The following KIAA1217 variants were observed in gnomAD, a reference collection of about 807,000 sequenced individuals.
KIAA1217 encodes the protein KIAA1217, also known as sickle tail protein homolog.
Under a neutral mutation model 163.9 loss-of-function variants are expected in KIAA1217, and 88 were observed. The observed-to-expected ratio is 0.54, with a 90% CI of 0.45 to 0.64. The LOEUF is 0.64. Among genes scored for constraint, KIAA1217 ranks in the 30% least tolerant of loss-of-function variants. KIAA1217 has a pLI of 0.00. For synonymous variants in KIAA1217, 903 were observed against 923.1 expected (o/e 0.98, Z 0.39); for missense variants, 2,372 against 2,475.0 (o/e 0.96, Z 0.88).
chr10:24,469,106 A>ATATTTTATTTTATTTTATTT (rs139814806), intron 5 of KIAA1217, among the ~76,000 whole-genome samples: 2 of 151,720 alleles, frequency 1.3e-5, no homozygotes, highest in East Asian at 3.9e-4. Flanking sequence ...ACTCTCTAGA[A>ATATTTTATTTTATTTTATTT]TATTTTATTT....
In KIAA1217 at chr10:23,855,404, C is replaced by G. The variant is rs147305474; in HGVS notation, c.-320-151821C>G. Among the ~76,000 whole-genome samples, 449 of 152,268 alleles carry G rather than the reference C, an allele frequency of 2.9e-3. 2 individuals are homozygous for G. The highest frequency in any genetic ancestry group is 0.01 in the African/African-American group (424 of 41,552). ...GATCCGCTGTTAGTCTGATGGGATTCCCTTTGTGGGTAACCCGACCTTTCT... is the reference window on the plus strand; with the variant it reads ...GATCCGCTGTTAGTCTGATGGGATTGCCTTTGTGGGTAACCCGACCTTTCT... On this transcript the variant is annotated intron_variant, in intron 1 of 18. Transcript: ENST00000376462.
chr10:24,211,941 G>A (rs1035040483), intron 1 of KIAA1217, among the ~76,000 whole-genome samples: 2 of 152,054 alleles, frequency 1.3e-5, no homozygotes, highest in African/African-American at 4.8e-5. Flanking sequence ...CTACTTGGGA[G>A]GCTGAGGCAG....
intron 2 of KIAA1217, among the ~76,000 whole-genome samples, chr10:24,356,670 G>C (rs1205051999): frequency 2.6e-5 from 4 of 152,192 alleles, no homozygotes; most frequent in Non-Finnish European, 4.4e-5. Context: ...CCTAAGAAAA[G>C]AATAAGTTTG....
chr10:23,951,420 G>A (rs1456657648), intron 1 of KIAA1217, among the ~76,000 whole-genome samples: 1 of 152,202 alleles, frequency 6.6e-6, no homozygotes, highest in Non-Finnish European at 1.5e-5. Context: ...TTAGGAGCCT[G>A]AGGTGGGCAG....
chr10:23,981,326 T>C (rs115839581), intron 1 of KIAA1217, among the ~76,000 whole-genome samples: 1,742 of 152,348 alleles, frequency 0.011, 26 homozygotes, highest in African/African-American at 0.039. Flanking sequence ...TTTAACAGCT[T>C]CATCTCTGAG....
chr10:24,212,928 G>A (rs1323725283), intron 1 of KIAA1217, among the ~76,000 whole-genome samples: 4 of 152,104 alleles, frequency 2.6e-5, no homozygotes, highest in African/African-American at 7.2e-5. Context: ...TTACCACTTT[G>A]GGACTTTGAG....
chr10:24,414,556 C>T (rs974099226), intron 3 of KIAA1217, among the ~76,000 whole-genome samples: 4 of 152,176 alleles, frequency 2.6e-5, no homozygotes, highest in Non-Finnish European at 5.9e-5. Flanking sequence ...TCGTTTTGAT[C>T]ATGAGGCATT....
intron 1 of KIAA1217, among the ~76,000 whole-genome samples, chr10:23,993,813 C>G (rs1472367202): frequency 6.6e-6 from 1 of 151,994 alleles, no homozygotes; most frequent in Admixed American, 6.6e-5. Flanking sequence ...CTCCAGACCT[C>G]AAGTTATCCA....
chr10:24,297,492 T>C (rs2040769132), intron 2 of KIAA1217, among the ~76,000 whole-genome samples: 1 of 152,216 alleles, frequency 6.6e-6, no homozygotes, highest in Non-Finnish European at 1.5e-5. Context: ...GTCTCATGCC[T>C]GTAATCCCAG....
At chr10:24,194,821 G>C (rs1010584543) in intron 2 of KIAA1217, among the ~76,000 whole-genome samples, 1 of 144,848 alleles carries the variant, frequency 6.9e-6, no homozygotes, top group African/African-American at 2.6e-5. Context: ...AGTCAGGCTG[G>C]TCTCTCAAAC....
rs373022122 is a variant in KIAA1217 at position 23,803,001 on chromosome 10, T to A, written c.-321+107767T>A. The stretch of plus-strand genomic sequence containing the variant: ...CCCCATGAGGTAGGTGCTATTATTA[T>A]CATCCCTGTGTTATAGATAAAGGAA... On this transcript the variant is annotated intron_variant, in intron 1 of 18. Transcript: ENST00000376462. 6.6e-5 allele frequency among the ~76,000 whole-genome samples: 10 copies of A among 152,316 alleles called. No homozygotes were observed. In the East Asian group the frequency reaches 1.4e-3, roughly 21 times the overall value.
chr10:24,096,187 A>G (rs1400002016), intron 2 of KIAA1217, among the ~76,000 whole-genome samples: 2 of 152,118 alleles, frequency 1.3e-5, no homozygotes, highest in Admixed American at 6.5e-5. Flanking sequence ...TGGGTTCCCA[A>G]CTCCTTAAAG....
intron 1 of KIAA1217, among the ~76,000 whole-genome samples, chr10:23,863,824 A>C (rs1379795477): frequency 2.0e-5 from 3 of 152,134 alleles, no homozygotes; most frequent in African/African-American, 7.2e-5. Flanking sequence ...AAGCACATGT[A>C]CACATACACA....
intron 1 of KIAA1217, among the ~76,000 whole-genome samples, chr10:23,951,734 C>A (rs564003667): frequency 2.0e-5 from 3 of 152,148 alleles, no homozygotes; most frequent in Non-Finnish European, 4.4e-5. Flanking sequence ...ACCCACATAC[C>A]AGAGTTTCCT....
chr10:24,510,051 G>A (rs1020437541), intron 9 of KIAA1217, among the ~76,000 whole-genome samples: 1 of 152,132 alleles, frequency 6.6e-6, no homozygotes, highest in Non-Finnish European at 1.5e-5. Flanking sequence ...AGTGTCAACT[G>A]TATATGTTGG....
chr10:23,990,237 G>C (rs919642834), intron 1 of KIAA1217, among the ~76,000 whole-genome samples: 3 of 152,140 alleles, frequency 2.0e-5, no homozygotes, highest in Non-Finnish European at 4.4e-5. Flanking sequence ...AACCTCAAAG[G>C]TAAATCATGC....
chr10:24,212,612 A>G (rs2068279291), intron 1 of KIAA1217, among the ~76,000 whole-genome samples: 1 of 152,228 alleles, frequency 6.6e-6, no homozygotes, highest in African/African-American at 2.4e-5. Context: ...CTGGGTGAAT[A>G]TGATGCTGTA....
Position 23,790,577 on chromosome 10 carries a change from A to ATG in KIAA1217, c.-321+95345_-321+95346dup, listed in dbSNP as rs1210712800. Among the ~76,000 whole-genome samples, 6 of 123,652 alleles carry ATG rather than the reference A, an allele frequency of 4.9e-5. 1 individual carries two copies. Among genetic ancestry groups the ATG allele is most frequent in the Non-Finnish European group, 9.6e-5 (6 of 62,706 alleles). The allele number at this position is 123,652 out of a possible 152,430, so 81.1% of individuals were successfully genotyped here. On this transcript the variant is annotated intron_variant, in intron 1 of 18. Coordinates refer to the KIAA1217 transcript ENST00000376462. ...CATATGTACATATGTATATATACATATGTATATGTACATATATACATGTAC... is the reference window on the plus strand; with the variant it reads ...CATATGTACATATGTATATATACATATGTGTATATGTACATATATACATGTAC...
intron 1 of KIAA1217, among the ~76,000 whole-genome samples, chr10:23,807,900 G>A (rs1729953838): frequency 1.3e-5 from 2 of 152,186 alleles, no homozygotes; most frequent in Admixed American, 1.3e-4. Flanking sequence ...AGCAGTTCAG[G>A]CCTTACTCTT....
Sources: allele counts gnomAD v4.1 joint callset (sites outside exome capture counted in the v4.1 genomes callset), GRCh38; gene constraint gnomAD v4.1.1; transcripts MANE v1.5; gene names NCBI Gene and HGNC (gene_info 2026-07-23, HGNC 2026-07-21).